VPS35L: variants seen among roughly 807,000 people sequenced by gnomAD.
VPS35L encodes the protein VPS35 endosomal protein-sorting factor-like.
VPS35L carries 83 observed loss-of-function variants against 133.0 expected under a neutral mutation model. That is an observed-to-expected ratio of 0.62 (90% CI 0.52 to 0.75). VPS35L has a LOEUF of 0.75. VPS35L is among the 30% of genes least tolerant of loss of function. The pLI, the probability that VPS35L is intolerant of heterozygous loss-of-function variation, is 0.00. For missense variants in VPS35L, 1,083 were observed against 1,206.8 expected (o/e 0.90, Z 1.52); for synonymous variants, 423 against 449.9 (o/e 0.94, Z 0.76).
chr16:19,601,829 G>T (rs556480200), intron 9 of VPS35L, 106 bp downstream of exon 9: 5 of 1,202,854 alleles, frequency 4.2e-6, no homozygotes, highest in Admixed American at 2.6e-5. Flanking sequence ...TTTAATTTTG[G>T]GTGTGTTAAA....
chr16:19,605,138 G>A (rs1972501653), intron 9 of VPS35L, among the ~76,000 whole-genome samples: 1 of 152,112 alleles, frequency 6.6e-6, no homozygotes, highest in Non-Finnish European at 1.5e-5. Context: ...CTATAACACT[G>A]TTACGTAAAG....
At chr16:19,643,785 T>TAA (rs35161194) in intron 22 of VPS35L, among the ~76,000 whole-genome samples, 8 of 144,678 alleles carry the variant, frequency 5.5e-5, no homozygotes, top group African/African-American at 1.0e-4. Flanking sequence ...GTCTCTACTT[T>TAA]AAAAAAAAAA....
intron 7 of VPS35L, among the ~76,000 whole-genome samples, chr16:19,589,106 A>G (rs1337244223): frequency 1.3e-5 from 2 of 151,576 alleles, no homozygotes; most frequent in Non-Finnish European, 2.9e-5. Context: ...TCTTTTGCCC[A>G]TTTTTCCATT....
chr16:19,692,542 G>T (rs997838320), intron 29 of VPS35L, among the ~76,000 whole-genome samples: 5 of 151,764 alleles, frequency 3.3e-5, no homozygotes, highest in Non-Finnish European at 7.4e-5. Context: ...CTCAACCAAG[G>T]CCTTTCCACT....
chr16:19,635,310 T>C (rs1973590515), intron 19 of VPS35L, among the ~76,000 whole-genome samples: 1 of 152,064 alleles, frequency 6.6e-6, no homozygotes, highest in African/African-American at 2.4e-5. Context: ...ATAGCACCAC[T>C]GCACTCCAAC....
In VPS35L at chr16:19,633,252, G is replaced by A. The variant is rs1973515286; in HGVS notation, c.1635+80G>A. ...TTAAATAGGCGTGTTGTATGGGTCA[G>A]GCTATAAAGGCACATAATCCTGTGT... is the stretch of plus-strand genomic sequence containing the variant. On this transcript the variant is annotated intron_variant, in intron 19 of 30. Coordinates refer to ENST00000417362, the MANE Select transcript of VPS35L (RefSeq NM_020314.7). The surrounding 1 kb of genome is among the most constrained non-coding windows in gnomAD (Gnocchi z 4.1). 1.6e-6 allele frequency: 2 copies of A among 1,226,302 alleles called. No homozygotes were observed. The highest frequency in any genetic ancestry group is 2.4e-5 in the South Asian group (2 of 81,916). The allele number at this position is 1,226,302 out of a possible 1,614,324, so 76.0% of individuals were successfully genotyped here.
intron 29 of VPS35L, among the ~76,000 whole-genome samples, chr16:19,698,439 C>A (rs549891717): frequency 6.6e-6 from 1 of 152,130 alleles, no homozygotes; most frequent in Non-Finnish European, 1.5e-5. Flanking sequence ...CGAGGGCCCA[C>A]TCAGGTCATC....
chr16:19,640,920 G>T (rs532582879), intron 21 of VPS35L, among the ~76,000 whole-genome samples: 3 of 152,070 alleles, frequency 2.0e-5, no homozygotes, highest in African/African-American at 7.2e-5. Context: ...GCTGATTTTT[G>T]CATTTTTTGT....
At chr16:19,614,528 A>G (rs1972824873) in intron 12 of VPS35L, among the ~76,000 whole-genome samples, 1 of 152,170 alleles carries the variant, frequency 6.6e-6, no homozygotes, top group Non-Finnish European at 1.5e-5. Flanking sequence ...CTCCCACCTC[A>G]ACCTCCCAGG....
At chr16:19,567,878 G>A (rs956425866) in intron 2 of VPS35L, among the ~76,000 whole-genome samples, 32 of 151,872 alleles carry the variant, frequency 2.1e-4, no homozygotes, top group African/African-American at 4.8e-5. Context: ...ACGGAGGCAG[G>A]AAGATTGCTT....
At chr16:19,660,623 ATGATTCATGTATTGACTCATTT>A (rs1974452778) in intron 26 of VPS35L, among the ~76,000 whole-genome samples, 2 of 152,190 alleles carry the variant, frequency 1.3e-5, no homozygotes, top group South Asian at 4.1e-4. Context: ...ACTGTCACTT[ATGATTCATGTATTGACTCATTT>A]TCCATATCAC....
intron 8 of VPS35L, 23 bp downstream of exon 8, chr16:19,591,897 T>C (rs1972056099): frequency 6.6e-7 from 1 of 1,520,156 alleles, no homozygotes; most frequent in Non-Finnish European, 9.1e-7. Flanking sequence ...CATATGCATC[T>C]TAGATCTAGG....
chr16:19,625,341 C>T (rs1344512818), intron 14 of VPS35L, among the ~76,000 whole-genome samples: 6 of 152,162 alleles, frequency 3.9e-5, no homozygotes, highest in Non-Finnish European at 7.3e-5. Context: ...CTCACCATGG[C>T]TGGTGGGCAC....
chr16:19,699,729 A>T lies in VPS35L; in HGVS notation c.2793+81A>T. Reference sequence around the variant, plus strand: ...CTCAACACAGCATTGTGGCCTGGACATCAGACAGACAACCCCATACTCCCC... The same window carrying T: ...CTCAACACAGCATTGTGGCCTGGACTTCAGACAGACAACCCCATACTCCCC... On this transcript the variant is annotated intron_variant, in intron 30 of 30. Coordinates refer to ENST00000417362, the MANE Select transcript of VPS35L (RefSeq NM_020314.7). The surrounding 1 kb of genome is among the most constrained non-coding windows in gnomAD (Gnocchi z 4.2). 1.9e-6 allele frequency: 3 copies of T among 1,560,398 alleles called. No homozygotes were observed. The South Asian group carries it at 3.4e-5, about 17-fold the overall frequency.
intron 14 of VPS35L, among the ~76,000 whole-genome samples, chr16:19,622,775 TTTC>T (rs1203935623): frequency 6.6e-6 from 1 of 152,130 alleles, no homozygotes; most frequent in Non-Finnish European, 1.5e-5. Context: ...AAGAATGACT[TTTC>T]AAATGTAAAT....
chr16:19,649,190 C>T (rs1686238601), intron 24 of VPS35L, among the ~76,000 whole-genome samples: 1 of 151,888 alleles, frequency 6.6e-6, no homozygotes, highest in South Asian at 2.1e-4. Flanking sequence ...GAGGTTTCAC[C>T]ATGTTGGCCA....
chr16:19,573,269 T>C (rs766942376), intron 4 of VPS35L, 28 bp downstream of exon 4: 1 of 1,607,150 alleles, frequency 6.2e-7, no homozygotes, highest in South Asian at 1.1e-5. Flanking sequence ...CTCTCCAGAG[T>C]CTACTTTGGA....
intron 7 of VPS35L, among the ~76,000 whole-genome samples, chr16:19,589,573 G>A (rs1053953178): frequency 2.0e-5 from 3 of 152,146 alleles, no homozygotes; most frequent in African/African-American, 7.2e-5. Context: ...ACATACCTGG[G>A]TTACCTGATT....
chr16:19,584,132 CTT>C (rs995802981), intron 7 of VPS35L, among the ~76,000 whole-genome samples: 1 of 152,068 alleles, frequency 6.6e-6, no homozygotes, highest in African/African-American at 2.4e-5. Context: ...GATTTCATAT[CTT>C]AGCTATTGTG....
Sources: gnomAD v4.1 joint callset for allele counts (sites outside exome capture counted in the v4.1 genomes callset) on GRCh38, gnomAD v4.1.1 for gene constraint, Gnocchi (gnomAD v3.1) non-coding constraint, MANE v1.5 for transcripts, NCBI Gene and HGNC (gene_info 2026-07-23, HGNC 2026-07-21) for gene names.